DIS3L2: variants seen among roughly 807,000 people sequenced by gnomAD.
DIS3L2 encodes the protein DIS3 like 3'-5' exoribonuclease 2, also known as DIS3-like exonuclease 2.
DIS3L2 carries 34 observed loss-of-function variants against 97.5 expected under a neutral mutation model. That is an observed-to-expected ratio of 0.35 (90% CI 0.27 to 0.46). The LOEUF (loss-of-function observed/expected upper bound fraction) is 0.46. Ranked by LOEUF, DIS3L2 falls within the 20% of genes least tolerant of loss-of-function variation. The pLI is 1.00. For synonymous variants in DIS3L2, 435 were observed against 445.2 expected, an observed-to-expected ratio of 0.98 and a Z score of 0.29; for missense variants, 1,038 against 1,146.0, an observed-to-expected ratio of 0.91 and a Z score of 1.36.
intron 8 of DIS3L2, among the ~76,000 whole-genome samples, chr2:232,149,058 G>A (rs550513634): frequency 6.7e-6 from 1 of 149,712 alleles, no homozygotes; most frequent in South Asian, 2.1e-4. Flanking sequence ...TTTTGTGGAA[G>A]TAGTGTTGTT....
chr2:232,134,368 A>G (rs1698300339), intron 7 of DIS3L2, among the ~76,000 whole-genome samples: 1 of 152,198 alleles, frequency 6.6e-6, no homozygotes, highest in Non-Finnish European at 1.5e-5. Context: ...CATCTGTACA[A>G]TTGTAATTTC....
In DIS3L2 at chr2:231,984,685, G is replaced by A. The variant is rs535808924; in HGVS notation, c.-94+22920G>A. Among the ~76,000 whole-genome samples, 18 of 152,134 alleles carry A rather than the reference G, an allele frequency of 1.2e-4. No homozygotes were observed. In the East Asian group the frequency reaches 1.7e-3, roughly 15 times the overall value. On this transcript the variant is annotated intron_variant, in intron 1 of 20. Transcript: ENST00000325385. ...TGGGATTACAGGCGTGAGCCACCGC[G>A]CCCAGCCAACTGCAACTTCTATCTC...
chr2:232,127,605 C>T (rs1298020164), intron 6 of DIS3L2, among the ~76,000 whole-genome samples: 3 of 152,190 alleles, frequency 2.0e-5, no homozygotes, highest in Admixed American at 1.3e-4. Flanking sequence ...AGAATCCTTA[C>T]CCATCTTGCC....
At chr2:232,263,552 G>A (rs1693778780) in intron 13 of DIS3L2, 112 bp downstream of exon 13, 1 of 1,031,306 alleles carries the variant, frequency 9.7e-7, no homozygotes. Flanking sequence ...TTTGCTCCAG[G>A]CACCACACTA....
In DIS3L2 at chr2:232,024,314, C is replaced by T. The variant is rs113426398; in HGVS notation, c.248C>T (p.Ala83Val). 8 of 1,564,600 alleles carry T rather than the reference C, an allele frequency of 5.1e-6. No individual in the cohort carries two copies. Among genetic ancestry groups the T allele is most frequent in the Non-Finnish European group, 7.0e-6 (8 of 1,145,060 alleles). ...LRINPKKFHE[A>V]FIPSPDGDRD... ...ATTAATCCAAAGAAGTTTCATGAAG[C>T]CTTCATTCCTTCCCCGGTAAGTTCA... is the stretch of plus-strand genomic sequence containing the variant. The change falls in exon 4 of 21, where the codon GCC (alanine) becomes GTC (valine). Residue 83 changes from alanine (A) to valine (V), a missense_variant. By Grantham distance (64) the Ala-to-Val change is moderately conservative. This residue lies in a region of DIS3L2 where 813 missense variants were observed against 880.1 expected (regional missense o/e 0.92). Coordinates refer to ENST00000325385, the MANE Select transcript of DIS3L2 (RefSeq NM_152383.5).
chr2:232,102,726 T>C (rs1697240649), intron 6 of DIS3L2, among the ~76,000 whole-genome samples: 1 of 152,184 alleles, frequency 6.6e-6, no homozygotes, highest in South Asian at 2.1e-4. Flanking sequence ...AAACATTGGG[T>C]GAAAGAGAAA....
intron 1 of DIS3L2, among the ~76,000 whole-genome samples, chr2:231,974,210 T>C (rs1329191628): frequency 6.6e-6 from 1 of 152,018 alleles, no homozygotes; most frequent in Non-Finnish European, 1.5e-5. Flanking sequence ...TGCACAAGTC[T>C]AAGTAAAAGA....
intron 5 of DIS3L2, among the ~76,000 whole-genome samples, chr2:232,079,412 T>C (rs1696316539): frequency 1.3e-5 from 2 of 151,432 alleles, no homozygotes; most frequent in South Asian, 2.1e-4. Flanking sequence ...CTGGCTAACA[T>C]GGTGAAACCC....
chr2:232,272,041 A>G (rs1694019552), intron 13 of DIS3L2, among the ~76,000 whole-genome samples: 5 of 152,202 alleles, frequency 3.3e-5, no homozygotes. Context: ...ATAAAAACTA[A>G]TATGTGTCAT....
intron 13 of DIS3L2, among the ~76,000 whole-genome samples, chr2:232,283,368 C>T (rs1367664555): frequency 3.3e-5 from 5 of 152,160 alleles, no homozygotes; most frequent in Admixed American, 3.3e-4. Context: ...GTGATCCTCC[C>T]ACCTCAGCCT....
At chr2:232,088,223 A>AG (rs1696723795) in intron 6 of DIS3L2, among the ~76,000 whole-genome samples, 1 of 148,346 alleles carries the variant, frequency 6.7e-6, no homozygotes, top group African/African-American at 2.5e-5. Flanking sequence ...ACATGGTGAA[A>AG]CCCTGTCTCT....
At chr2:232,035,061 C>T (rs1185481805) in intron 5 of DIS3L2, among the ~76,000 whole-genome samples, 3 of 151,960 alleles carry the variant, frequency 2.0e-5, no homozygotes, top group Non-Finnish European at 1.5e-5. Flanking sequence ...CTGTTATTGA[C>T]AGTGTCTTTT....
At chr2:232,300,696 C>T (rs897214688) in intron 14 of DIS3L2, among the ~76,000 whole-genome samples, 4 of 146,222 alleles carry the variant, frequency 2.7e-5, no homozygotes, top group African/African-American at 5.2e-5. Context: ...GCTCTGTCAC[C>T]TGGGCTAGAG....
At chr2:232,134,027 T>G (rs568680207) in intron 7 of DIS3L2, among the ~76,000 whole-genome samples, 63 of 137,292 alleles carry the variant, frequency 4.6e-4, no homozygotes, top group Middle Eastern at 7.7e-3. Context: ...AAATGAGAAG[T>G]ATAGTCCTGA....
intron 14 of DIS3L2, chr2:232,307,661 T>C (rs1695023820): frequency 6.6e-6 from 1 of 152,238 alleles, no homozygotes; most frequent in South Asian, 2.1e-4. Context: ...ACCATAATCA[T>C]GATGGGAGCT....
intron 12 of DIS3L2, among the ~76,000 whole-genome samples, chr2:232,261,490 A>ATG (rs1284930798): frequency 6.6e-6 from 1 of 151,976 alleles, no homozygotes; most frequent in African/African-American, 2.4e-5. Flanking sequence ...TTTTCATGTC[A>ATG]TGTCACACAC....
chr2:232,242,532 G>A (rs1400454117), intron 11 of DIS3L2, among the ~76,000 whole-genome samples: 4 of 152,162 alleles, frequency 2.6e-5, no homozygotes, highest in Non-Finnish European at 5.9e-5. Flanking sequence ...CCCTTCTGTG[G>A]CCCTTTGTGT....
At chr2:231,977,857 G>T (rs1693143878) in intron 1 of DIS3L2, among the ~76,000 whole-genome samples, 1 of 152,176 alleles carries the variant, frequency 6.6e-6, no homozygotes, top group African/African-American at 2.4e-5. Flanking sequence ...GCTTTTAATT[G>T]TGTTACACAT....
chr2:232,040,875 A>G (rs568777593), intron 5 of DIS3L2, among the ~76,000 whole-genome samples: 1 of 152,342 alleles, frequency 6.6e-6, no homozygotes, highest in East Asian at 1.9e-4. Context: ...TTGTTATTCC[A>G]GAGATATCAA....
Sources: allele counts gnomAD v4.1 joint callset (sites outside exome capture counted in the v4.1 genomes callset), GRCh38; gene constraint gnomAD v4.1.1; regional missense constraint gnomAD v4.1.1; transcripts MANE v1.5; gene names NCBI Gene and HGNC (gene_info 2026-07-23, HGNC 2026-07-21).